LRMDA: variants seen among roughly 807,000 people sequenced by gnomAD.
LRMDA encodes the protein leucine-rich melanocyte differentiation-associated protein.
In LRMDA, 18 loss-of-function variants were observed where a neutral mutation model predicts 29.8. The observed-to-expected ratio is 0.60, with a 90% confidence interval of 0.42 to 0.90. The LOEUF (loss-of-function observed/expected upper bound fraction) is 0.90. Ranked by LOEUF, LRMDA falls within the 40% of genes least tolerant of loss-of-function variation. The pLI is 0.00. For synonymous variants in LRMDA, 125 were observed against 109.4 expected (o/e 1.14, Z -0.89); for missense variants, 273 against 273.9 (o/e 1.00, Z 0.02).
At chr10:76,173,452 A>G (rs11001666) in intron 5 of LRMDA, among the ~76,000 whole-genome samples, 29,149 of 152,170 alleles carry the variant, frequency 0.19, 3,257 homozygotes, top group East Asian at 0.52. Flanking sequence ...CCTCTAGCTT[A>G]CCAGAGTGAT....
chr10:75,739,690 T>C (rs183771029), intron 2 of LRMDA, among the ~76,000 whole-genome samples: 1 of 152,216 alleles, frequency 6.6e-6, no homozygotes, highest in Non-Finnish European at 1.5e-5. Context: ...ACTTGAGAAC[T>C]GAAGTATTGA....
chr10:75,903,192 A>G (rs1184683573), intron 2 of LRMDA, among the ~76,000 whole-genome samples: 1 of 152,198 alleles, frequency 6.6e-6, no homozygotes, highest in Non-Finnish European at 1.5e-5. Flanking sequence ...ATTTTCCACC[A>G]TGGAGGGAAG....
At chr10:76,193,397 C>T (rs2132224239) in intron 5 of LRMDA, among the ~76,000 whole-genome samples, 1 of 152,226 alleles carries the variant, frequency 6.6e-6, no homozygotes, top group South Asian at 2.1e-4. Context: ...TTCGGAAGTC[C>T]ATGACTGGAA....
chr10:75,911,987 G>T (rs1845850011), intron 2 of LRMDA, among the ~76,000 whole-genome samples: 1 of 152,132 alleles, frequency 6.6e-6, no homozygotes, highest in East Asian at 1.9e-4. Context: ...AACCACTTTT[G>T]CTTGGGACAG....
intron 2 of LRMDA, among the ~76,000 whole-genome samples, chr10:75,861,123 G>A (rs1844922039): frequency 6.6e-6 from 1 of 152,228 alleles, no homozygotes; most frequent in African/African-American, 2.4e-5. Context: ...TCAGATAGCT[G>A]TTCCAATCAT....
chr10:75,911,849 A>G (rs1260096999), intron 2 of LRMDA, among the ~76,000 whole-genome samples: 3 of 152,180 alleles, frequency 2.0e-5, no homozygotes, highest in Non-Finnish European at 4.4e-5. Flanking sequence ...TTGAGGCTGA[A>G]TAAGTCCATG....
chr10:75,806,594 G>A (rs904155837), intron 2 of LRMDA, among the ~76,000 whole-genome samples: 2 of 151,420 alleles, frequency 1.3e-5, no homozygotes, highest in Non-Finnish European at 2.9e-5. Flanking sequence ...GAAGACTCTG[G>A]GTGATTGATC....
At chr10:76,534,276 A>G (rs1843268647) in intron 6 of LRMDA, among the ~76,000 whole-genome samples, 1 of 152,180 alleles carries the variant, frequency 6.6e-6, no homozygotes, top group African/African-American at 2.4e-5. Flanking sequence ...ACTTCATTTC[A>G]TTCTCCTTTG....
intron 5 of LRMDA, among the ~76,000 whole-genome samples, chr10:76,210,890 G>A (rs1456656877): frequency 2.0e-5 from 3 of 152,148 alleles, no homozygotes; most frequent in Admixed American, 6.5e-5. Flanking sequence ...ATAAGGTTCT[G>A]CTTTAATTTA....
At chr10:75,755,192 C>T (rs977088577) in intron 2 of LRMDA, among the ~76,000 whole-genome samples, 6 of 152,178 alleles carry the variant, frequency 3.9e-5, no homozygotes, top group Non-Finnish European at 8.8e-5. Flanking sequence ...CTGTTCTTTG[C>T]ACATCACTTT....
At chr10:76,145,845 T>A (rs1172943307) in intron 5 of LRMDA, among the ~76,000 whole-genome samples, 3 of 151,406 alleles carry the variant, frequency 2.0e-5, no homozygotes, top group Non-Finnish European at 4.4e-5. Context: ...TAAATTTCCC[T>A]CTACACACTG....
intron 2 of LRMDA, among the ~76,000 whole-genome samples, chr10:75,488,270 A>G (rs905082671): frequency 1.3e-5 from 2 of 152,062 alleles, no homozygotes; most frequent in African/African-American, 2.4e-5. Flanking sequence ...CTTTTTCTTA[A>G]AAAAAAGAAC....
At chr10:75,742,474 A>G (rs963314808) in intron 2 of LRMDA, among the ~76,000 whole-genome samples, 2 of 152,210 alleles carry the variant, frequency 1.3e-5, no homozygotes, top group Non-Finnish European at 2.9e-5. Flanking sequence ...TCCTCCCCCA[A>G]CACTTGAATA....
chr10:76,268,198 C>G (rs902078014), intron 5 of LRMDA, among the ~76,000 whole-genome samples: 5 of 152,184 alleles, frequency 3.3e-5, no homozygotes, highest in African/African-American at 1.2e-4. Context: ...AACCCTAACC[C>G]TGGGAGTCAA....
At chr10:76,228,289 G>A (rs1416494742) in intron 5 of LRMDA, among the ~76,000 whole-genome samples, 4 of 152,118 alleles carry the variant, frequency 2.6e-5, no homozygotes, top group Non-Finnish European at 4.4e-5. Context: ...CAAAGTGCTA[G>A]GTATGAGCTA....
intron 2 of LRMDA, among the ~76,000 whole-genome samples, chr10:75,996,211 G>A (rs945538146): frequency 6.6e-6 from 1 of 152,224 alleles, no homozygotes; most frequent in Non-Finnish European, 1.5e-5. Context: ...AGGCCTATTG[G>A]AATTGATGAA....
At chr10:75,640,905 A>T (rs796638708) in intron 2 of LRMDA, among the ~76,000 whole-genome samples, 2 of 152,278 alleles carry the variant, frequency 1.3e-5, no homozygotes, top group African/African-American at 4.8e-5. Context: ...ACTTGCATTG[A>T]TGTGCTGAGG....
rs1840618543 is a variant in LRMDA, at chr10:76,310,639, A to G, written c.517-13762A>G. ...TCACAGCTGTCACAATAATTTGGGA[A>G]ACGATATTCATAACCTCCAATAGAA... On this transcript the variant is annotated intron_variant, in intron 5 of 6. Coordinates refer to ENST00000611255, the MANE Select transcript of LRMDA (RefSeq NM_001305581.2). Among the ~76,000 whole-genome samples, 3 of 152,206 alleles carry G rather than the reference A, an allele frequency of 2.0e-5. No homozygotes were observed. In the South Asian group the frequency reaches 6.2e-4, roughly 32 times the overall value.
chr10:75,585,555 C>T (rs1293268402), intron 2 of LRMDA, among the ~76,000 whole-genome samples: 2 of 152,150 alleles, frequency 1.3e-5, no homozygotes, highest in African/African-American at 4.8e-5. Context: ...TAGTAGATAC[C>T]ACTCAACAGT....
Sources: allele counts gnomAD v4.1 joint callset (sites outside exome capture counted in the v4.1 genomes callset), GRCh38; gene constraint gnomAD v4.1.1; transcripts MANE v1.5; gene names NCBI Gene and HGNC (gene_info 2026-07-23, HGNC 2026-07-21).